The following C6orf62 variants were observed in gnomAD, a reference collection of about 807,000 sequenced individuals.
The protein encoded by C6orf62 is uncharacterized protein C6orf62.
C6orf62 carries 16 observed loss-of-function variants against 26.8 expected under a neutral mutation model. The ratio of observed to expected loss-of-function variants is 0.60; its 90% CI spans 0.40 to 0.91. The LOEUF is 0.91. Among genes scored for constraint, C6orf62 ranks in the 40% least tolerant of loss-of-function variants. The probability of loss-of-function intolerance (pLI) is 0.00; values close to 1 mark genes in which losing one functional copy is unlikely to be tolerated. For missense variants in C6orf62, 192 were observed against 271.4 expected (o/e 0.71, Z 2.06); for synonymous variants, 112 against 91.5 (o/e 1.22, Z -1.28).
chr6:24,706,647 CA>C (rs1472328108), intron 4 of C6orf62: 4 of 185,126 alleles, frequency 2.2e-5, no homozygotes, highest in Admixed American at 5.7e-5. Flanking sequence ...TGTGGTGGCT[CA>C]GACCTGTAAT....
In C6orf62 at chr6:24,708,751, A is replaced by G. The variant is rs1023780010; in HGVS notation, c.564+26T>C. Reference sequence around the variant, plus strand: ...CCAATAAGTTTTTGAATGAGCCTGTAAGTGGTTTTCAAAAAAGCTGCTTAC... The same window carrying G: ...CCAATAAGTTTTTGAATGAGCCTGTGAGTGGTTTTCAAAAAAGCTGCTTAC... On this transcript the variant is annotated intron_variant, in intron 4 of 4. Coordinates refer to ENST00000378119, the MANE Select transcript of C6orf62 (RefSeq NM_030939.5). The G allele has an allele frequency of 2.5e-6, 4 of 1,613,878 alleles. No individual in the cohort carries two copies. The African/African-American group carries it at 5.3e-5, about 22-fold the overall frequency.
Position 24,705,938 on chromosome 6 carries a change from C to T in C6orf62, c.*199G>A, listed in dbSNP as rs536031605. ...GCAAAGCATCTTCTTTCACACAGTC[C>T]GTGCACGACATCTAATTTTTGTTTA... is the stretch of plus-strand genomic sequence containing the variant. On this transcript the variant is annotated 3_prime_UTR_variant, in exon 5 of 5. Coordinates refer to ENST00000378119, the MANE Select transcript of C6orf62 (RefSeq NM_030939.5). 6.0e-6 allele frequency: 4 copies of T among 663,064 alleles called. No homozygotes were observed. The highest frequency in any genetic ancestry group is 3.1e-5 in the East Asian group (1 of 32,406). The allele number at this position is 663,064 out of a possible 1,614,324, so 41.1% of individuals were successfully genotyped here.
upstream of C6orf62, chr6:24,720,490 G>A (rs1473326575): frequency 4.4e-6 from 3 of 678,484 alleles, no homozygotes; most frequent in South Asian, 1.3e-4. Flanking sequence ...CGCGGAGACA[G>A]CGGCAACAGG....
Position 24,711,898 on chromosome 6 carries a change from C to G in C6orf62, c.429+2420G>C, listed in dbSNP as rs370669698. 6.0e-4 allele frequency among the ~76,000 whole-genome samples: 91 copies of G among 152,280 alleles called. No homozygotes were observed. In the South Asian group the frequency reaches 0.017, roughly 28 times the overall value. On this transcript the variant is annotated intron_variant, in intron 3 of 4. Coordinates refer to ENST00000378119, the MANE Select transcript of C6orf62 (RefSeq NM_030939.5). ...TTACCTACATCATACTGCTTACACT[C>G]AGTCCAGAATTTTAAGATTCTATAA...
chr6:24,710,722 G>T, intron 3 of C6orf62: 1 of 725,632 alleles, frequency 1.4e-6, no homozygotes, highest in Non-Finnish European at 1.7e-6. Flanking sequence ...ACGCTGACTG[G>T]GCATGGTGGC....
At chr6:24,720,013 G>GGGGGGCGCC, upstream of C6orf62, 2 of 1,479,416 alleles carry the variant, frequency 1.4e-6, no homozygotes, top group Non-Finnish European at 1.8e-6. Context: ...TCTAAAGTAA[G>GGGGGGCGCC]CCCACCCACC....
chr6:24,720,155 T>C, upstream of C6orf62: 1 of 1,356,112 alleles, frequency 7.4e-7, no homozygotes, highest in Non-Finnish European at 9.4e-7. Context: ...TTGAGGCAGC[T>C]AGGGCGGGGT....
rs1361838017 is a variant in C6orf62, at chr6:24,705,547, G to A, written c.*590C>T. 6.6e-6 allele frequency: 1 copy of A among 152,520 alleles called. No individual in the cohort carries two copies. Among genetic ancestry groups the A allele is most frequent in the African/African-American group, 2.4e-5 (1 of 41,396 alleles). The allele number at this position is 152,520 out of a possible 1,614,324, so 9.4% of individuals were successfully genotyped here. A position where few individuals can be genotyped will look rare whatever the true frequency, so the allele number is the denominator to read the frequency against. ...ACATGAGTACCAGGAAACAAACATG[G>A]CCCAGTAAAATATGAGGCAAAAATG... On this transcript the variant is annotated 3_prime_UTR_variant, in exon 5 of 5. Transcript: ENST00000378119.
intron 3 of C6orf62, chr6:24,709,800 C>G: frequency 2.0e-6 from 2 of 985,404 alleles, no homozygotes; most frequent in Non-Finnish European, 2.4e-6. Flanking sequence ...ATGACATGAC[C>G]AGGCTTGATG....
At chr6:24,715,848 C>CA (rs139717677) in intron 2 of C6orf62, among the ~76,000 whole-genome samples, 15,270 of 63,558 alleles carry the variant, frequency 0.24, 1,666 homozygotes, top group African/African-American at 0.3. Context: ...GACTTTGTCT[C>CA]AAAAAAAAAA....
intron 3 of C6orf62, chr6:24,709,122 T>A (rs1285910425): frequency 4.1e-6 from 4 of 973,574 alleles, no homozygotes; most frequent in Non-Finnish European, 4.9e-6. Flanking sequence ...TCAGTAGCAC[T>A]AGCCACATTT....
chr6:24,717,368 C>T (rs16889653), intron 1 of C6orf62, among the ~76,000 whole-genome samples: 1 of 152,182 alleles, frequency 6.6e-6, no homozygotes, highest in Non-Finnish European at 1.5e-5. Context: ...GTCAACAAAA[C>T]AAAAGTGGAG....
At chr6:24,713,597 T>G (rs1202627356) in intron 3 of C6orf62, among the ~76,000 whole-genome samples, 1 of 152,112 alleles carries the variant, frequency 6.6e-6, no homozygotes, top group East Asian at 1.9e-4. Flanking sequence ...AAAAGTATAC[T>G]TAAGAAAATC....
intron 2 of C6orf62, 23 bp from the exon 3 acceptor site, chr6:24,714,463 A>G: frequency 6.4e-7 from 1 of 1,551,290 alleles, no homozygotes; most frequent in Non-Finnish European, 8.7e-7. Flanking sequence ...TAAAAAAAAA[A>G]AAGTTTACTT....
intron 3 of C6orf62, chr6:24,710,091 G>A: frequency 1.0e-6 from 1 of 982,844 alleles, no homozygotes; most frequent in Non-Finnish European, 1.2e-6. Flanking sequence ...TAAATTATTA[G>A]TATGATCATA....
chr6:24,711,989 T>G (rs368319134), intron 3 of C6orf62, among the ~76,000 whole-genome samples: 1 of 152,180 alleles, frequency 6.6e-6, no homozygotes, highest in South Asian at 2.1e-4. Context: ...CAGGCTTTTA[T>G]CCTATTTAAC....
rs1778988712 is a variant in C6orf62, at chr6:24,705,424, C to A, written c.*713G>T. ...TTTTATAGCTGCTTTATAGCTACTT[C>A]AGACTCCAGATCTGCTTTAATGTGT... On this transcript the variant is annotated 3_prime_UTR_variant, in exon 5 of 5. Transcript: ENST00000378119. The A allele has an allele frequency of 6.6e-6, 1 of 152,640 alleles. No homozygotes were observed. Among genetic ancestry groups the A allele is most frequent in the Non-Finnish European group, 1.5e-5 (1 of 68,032 alleles). 9.5% of individuals were successfully genotyped at this position (152,640 alleles called of 1,614,324 possible).
intron 4 of C6orf62, among the ~76,000 whole-genome samples, chr6:24,708,423 A>G (rs1779056513): frequency 6.6e-6 from 1 of 152,096 alleles, no homozygotes; most frequent in East Asian, 1.9e-4. Flanking sequence ...ATCTCACTGT[A>G]GCCTCCTAAG....
intron 4 of C6orf62, 78 bp downstream of exon 4, chr6:24,708,699 G>A (rs1475445514): frequency 1.3e-6 from 2 of 1,554,428 alleles, no homozygotes; most frequent in African/African-American, 2.7e-5. Flanking sequence ...CAACAATTAA[G>A]TAACTTGTAT....
Sources: gnomAD v4.1 joint callset for allele counts (sites outside exome capture counted in the v4.1 genomes callset) on GRCh38, gnomAD v4.1.1 for gene constraint, MANE v1.5 for transcripts, NCBI Gene and HGNC (gene_info 2026-07-23, HGNC 2026-07-21) for gene names.